MALAT1: variants seen among roughly 807,000 people sequenced by gnomAD.
The protein encoded by MALAT1 is metastasis associated lung adenocarcinoma transcript 1, also known as hepcarcin.
chr11:65,506,434 A>G (rs749910521), downstream of MALAT1: 14 of 342,234 alleles, frequency 4.1e-5, no homozygotes, highest in Non-Finnish European at 6.4e-5. Context: ...CTGAAAACTT[A>G]ACAATTTTGT....
intron 3 of MALAT1, chr11:65,504,243 T>C (rs1854623108): frequency 1.9e-6 from 1 of 518,064 alleles, no homozygotes; most frequent in Non-Finnish European, 3.9e-6. Flanking sequence ...TTTATCAGCA[T>C]ACTCAAAATT....
At chr11:65,503,243 T>C (rs1486529915) in exon 3 of MALAT1, 2 of 515,954 alleles carry the variant, frequency 3.9e-6, no homozygotes, top group Non-Finnish European at 7.7e-6. Context: ...AGTGCTTATT[T>C]TTAAGAGCTG....
At chr11:65,500,861 A>C in exon 3 of MALAT1, 1 of 518,494 alleles carries the variant, frequency 1.9e-6, no homozygotes. Context: ...TTTCGTACTG[A>C]GGTGTAAAGG....
intron 3 of MALAT1, chr11:65,506,192 C>G: frequency 2.3e-6 from 1 of 439,242 alleles, no homozygotes. Flanking sequence ...GACTACTAAT[C>G]TGTCTTCAGG....
intron 1 of MALAT1, chr11:65,498,154 T>G (rs755563880): frequency 9.4e-5 from 49 of 518,726 alleles, no homozygotes; most frequent in Admixed American, 1.9e-5. Flanking sequence ...TGTAAACACT[T>G]CTGGGTGTGT....
exon 3 of MALAT1, chr11:65,500,727 G>A (rs7927113): frequency 0.015 from 7,604 of 518,992 alleles, 406 homozygotes; most frequent in African/African-American, 0.12. Context: ...AGACCAGCAT[G>A]CCAGTGTGCC....
chr11:65,500,436 C>T (rs1161752304), exon 3 of MALAT1: 1 of 518,960 alleles, frequency 1.9e-6, no homozygotes, highest in Admixed American at 1.9e-5. Context: ...TCTAGGAAGA[C>T]AGCAGCAGAC....
At chr11:65,505,685 T>C (rs754452323) in intron 3 of MALAT1, 3 of 519,016 alleles carry the variant, frequency 5.8e-6, no homozygotes, top group South Asian at 2.8e-5. Flanking sequence ...TCGAGGTCTT[T>C]GGTGGGTTGA....
In MALAT1 at chr11:65,501,554, G is replaced by A. The variant is rs780237385; in HGVS notation, n.2817G>A. ...GATGGTCTTAACAGGGAAGAGAGAG[G>A]GTGGGGGAGAAAATGTTTTTTTCTA... On this transcript the variant is annotated non_coding_transcript_exon_variant, in exon 3 of 4. Transcript: ENST00000619449. The A allele has an allele frequency of 1.5e-5, 8 of 518,648 alleles. No individual in the cohort carries two copies. In the East Asian group the frequency reaches 3.8e-4, roughly 25 times the overall value. 32.1% of individuals were successfully genotyped at this position (518,648 alleles called of 1,614,324 possible).
chr11:65,500,530 A>G, exon 3 of MALAT1: 1 of 518,938 alleles, frequency 1.9e-6, no homozygotes, highest in South Asian at 1.4e-5. Context: ...ATAGGAAAAG[A>G]GTCCAGGAGC....
chr11:65,498,321 C>A (rs570962234), intron 1 of MALAT1: 4 of 517,980 alleles, frequency 7.7e-6, no homozygotes, highest in South Asian at 1.4e-5. Flanking sequence ...AGAAAAATTT[C>A]CGTGCGGGCC....
chr11:65,501,448 T>G (rs764573352), exon 3 of MALAT1: 1 of 513,744 alleles, frequency 1.9e-6, no homozygotes, highest in Non-Finnish European at 3.9e-6. Flanking sequence ...GTAGTTACTC[T>G]TTTTTCCCCC....
exon 3 of MALAT1, chr11:65,500,474 A>G (rs200308848): frequency 1.9e-6 from 1 of 518,842 alleles, no homozygotes; most frequent in African/African-American, 1.9e-5. Context: ...TGTTTGATGA[A>G]GCTAGGACTG....
At chr11:65,502,571 C>T (rs1378649559) in exon 3 of MALAT1, 3 of 483,316 alleles carry the variant, frequency 6.2e-6, no homozygotes, top group Non-Finnish European at 1.2e-5. Context: ...GATAGTTCAG[C>T]TTGAATGTCT....
chr11:65,505,257 A>C, intron 3 of MALAT1: 1 of 518,506 alleles, frequency 1.9e-6, no homozygotes, highest in Non-Finnish European at 3.9e-6. Flanking sequence ...CAGGAGAGAC[A>C]ACAAAGCGCT....
exon 3 of MALAT1, chr11:65,500,214 G>A (rs750044671): frequency 1.9e-6 from 1 of 514,534 alleles, no homozygotes; most frequent in East Asian, 5.5e-5. Flanking sequence ...GAAGGCTTTT[G>A]GAAGAGTTAG....
chr11:65,502,301 ATAAT>A (rs1854568022), exon 3 of MALAT1: 1 of 517,010 alleles, frequency 1.9e-6, no homozygotes, highest in Non-Finnish European at 3.9e-6. Flanking sequence ...TGATTTAATA[ATAAT>A]TTAAAACTAC....
exon 4 of MALAT1, chr11:65,506,268 TA>T (rs756344756): frequency 2.2e-6 from 1 of 452,962 alleles, no homozygotes; most frequent in East Asian, 6.0e-5. Flanking sequence ...AGGTGGGAGG[TA>T]ACAGCACAAT....
chr11:65,505,984 T>C lies in MALAT1; in HGVS notation n.5169-276T>C, dbSNP rs780710224. 8.8e-6 allele frequency: 4 copies of C among 456,660 alleles called. No individual in the cohort carries two copies. In the East Asian group the frequency reaches 2.3e-4, roughly 26 times the overall value. 28.3% of individuals were successfully genotyped at this position (456,660 alleles called of 1,614,324 possible). ...TAACAGACTTGGCCAAGCTAGCATC[T>C]TAGCGGAAGCTGATCTCCAATGCTC... On this transcript the variant is annotated intron_variant and non_coding_transcript_variant, in intron 3 of 3. Transcript: ENST00000619449.
Sources: allele counts gnomAD v4.1 joint callset, GRCh38; gene constraint gnomAD v4.1.1; transcripts MANE v1.5; gene names NCBI Gene and HGNC (gene_info 2026-07-23, HGNC 2026-07-21).